Variants in SHANK2 observed in about 807,000 individuals in gnomAD.
SHANK2 encodes the protein SH3 and multiple ankyrin repeat domains protein 2.
Under a neutral mutation model 133.7 loss-of-function variants are expected in SHANK2, and 43 were observed. The ratio of observed to expected loss-of-function variants is 0.32; its 90% CI spans 0.25 to 0.41. The LOEUF is 0.41. SHANK2 is among the 10% of genes least tolerant of loss of function. The pLI is 1.00. For missense variants in SHANK2, 1,994 were observed against 2,235.8 expected, an observed-to-expected ratio of 0.89 and a Z score of 2.18; for synonymous variants, 1,017 against 952.8, an observed-to-expected ratio of 1.07 and a Z score of -1.24.
intron 10 of SHANK2, among the ~76,000 whole-genome samples, chr11:70,905,776 T>C (rs1249963307): frequency 1.3e-5 from 2 of 152,048 alleles, no homozygotes; most frequent in African/African-American, 4.8e-5. Context: ...TCCATGCCTA[T>C]TGTTTATAAG....
intron 1 of SHANK2, among the ~76,000 whole-genome samples, chr11:71,246,156 T>C (rs954957519): frequency 6.6e-6 from 1 of 151,656 alleles, no homozygotes; most frequent in Admixed American, 6.6e-5. Flanking sequence ...ATTTCCCACC[T>C]CCCAGGAGCC....
At chr11:70,615,254 T>A (rs184895589) in intron 17 of SHANK2, among the ~76,000 whole-genome samples, 31 of 152,236 alleles carry the variant, frequency 2.0e-4, no homozygotes, top group Non-Finnish European at 3.1e-4. Flanking sequence ...CCGCTCCTCC[T>A]GGTGGACTCT....
chr11:70,687,052 G>C (rs1376465746), intron 15 of SHANK2, among the ~76,000 whole-genome samples: 1 of 152,240 alleles, frequency 6.6e-6, no homozygotes, highest in Non-Finnish European at 1.5e-5. Flanking sequence ...GCCTGTCTCA[G>C]GGTTTGCAGT....
chr11:70,846,449 T>G (rs1205887464), intron 11 of SHANK2, among the ~76,000 whole-genome samples: 1 of 152,004 alleles, frequency 6.6e-6, no homozygotes, highest in Admixed American at 6.6e-5. Flanking sequence ...TTTTCATTTT[T>G]TGTAGAGATG....
chr11:70,938,227 C>G (rs879992006), intron 10 of SHANK2, among the ~76,000 whole-genome samples: 3 of 152,126 alleles, frequency 2.0e-5, no homozygotes, highest in Non-Finnish European at 4.4e-5. Flanking sequence ...ACCAGCATCA[C>G]TGTATGTGTG....
chr11:71,148,982 C>CGCTGGCCAT (rs56749011), intron 2 of SHANK2, among the ~76,000 whole-genome samples: 91 of 151,824 alleles, frequency 6.0e-4, no homozygotes, highest in African/African-American at 2.0e-3. Flanking sequence ...GGGTGGGCCG[C>CGCTGGCCAT]GCTGCTTGGA....
At chr11:70,519,375 G>A (rs577713477) in intron 17 of SHANK2, among the ~76,000 whole-genome samples, 14 of 152,244 alleles carry the variant, frequency 9.2e-5, no homozygotes, top group South Asian at 2.1e-4. Flanking sequence ...CATTATGGGC[G>A]GGGCATGGTG....
At chr11:70,474,645 T>C (rs1317186786) in intron 25 of SHANK2, 2 of 152,340 alleles carry the variant, frequency 1.3e-5, no homozygotes, top group Non-Finnish European at 2.9e-5. Flanking sequence ...TTCATCCTAT[T>C]GTCCCTAGGA....
chr11:71,174,297 C>T (rs1203980269), intron 2 of SHANK2, among the ~76,000 whole-genome samples: 1 of 152,124 alleles, frequency 6.6e-6, no homozygotes, highest in East Asian at 1.9e-4. Context: ...CCCAGTACTT[C>T]GAGAGGCTGA....
intron 2 of SHANK2, among the ~76,000 whole-genome samples, chr11:71,209,220 G>A (rs1444683421): frequency 3.3e-5 from 5 of 152,202 alleles, no homozygotes; most frequent in African/African-American, 1.2e-4. Context: ...CAGGATAAAT[G>A]TCGCTCTGGG....
At chr11:70,601,292 T>G (rs978685758) in intron 17 of SHANK2, among the ~76,000 whole-genome samples, 5 of 151,888 alleles carry the variant, frequency 3.3e-5, no homozygotes, top group Non-Finnish European at 4.4e-5. Context: ...CGATCTCGGC[T>G]CACTGCAACC....
chr11:70,468,943 A>G lies in SHANK2; in HGVS notation c.*3926T>C, dbSNP rs543114591. On this transcript the variant is annotated 3_prime_UTR_variant, in exon 26 of 26. Coordinates refer to ENST00000601538, the MANE Select transcript of SHANK2 (RefSeq NM_012309.5). ...CTTAGTTCTTTGCCAATAGACACAA[A>G]TTCTCTCTTGCTCCAAGCCTTAGCA... 6.6e-6 allele frequency: 1 copy of G among 152,354 alleles called. No homozygotes were observed. The highest frequency in any genetic ancestry group is 1.5e-5 in the Non-Finnish European group (1 of 68,038). 9.4% of individuals were successfully genotyped at this position (152,354 alleles called of 1,614,324 possible). A position where few individuals can be genotyped will look rare whatever the true frequency, so the allele number is the denominator to read the frequency against.
intron 10 of SHANK2, chr11:70,948,443 A>T (rs1950786575): frequency 2.2e-6 from 1 of 450,950 alleles, no homozygotes; most frequent in Non-Finnish European, 4.5e-6. Flanking sequence ...TTCATCATAG[A>T]TATGCACCGA....
chr11:70,863,172 C>G (rs1478433978), intron 11 of SHANK2: 1 of 365,680 alleles, frequency 2.7e-6, no homozygotes, highest in Admixed American at 3.6e-5. Flanking sequence ...GTAGGCCAGA[C>G]AGCAGGTGAG....
chr11:70,671,353 C>T (rs1944803613), intron 15 of SHANK2, among the ~76,000 whole-genome samples: 1 of 152,120 alleles, frequency 6.6e-6, no homozygotes, highest in Non-Finnish European at 1.5e-5. Context: ...TTCCCCAAAC[C>T]AGCGCCACGC....
At chr11:70,556,872 G>C (rs1174120295) in intron 17 of SHANK2, among the ~76,000 whole-genome samples, 2 of 151,924 alleles carry the variant, frequency 1.3e-5, no homozygotes, top group African/African-American at 4.8e-5. Flanking sequence ...ATCGCTCCTG[G>C]CCTCATTTTT....
chr11:70,729,980 T>C (rs189911659), intron 14 of SHANK2, among the ~76,000 whole-genome samples: 1,929 of 150,752 alleles, frequency 0.013, 20 homozygotes, highest in Non-Finnish European at 0.017. Context: ...TAGGGGTTCA[T>C]GATGTGGGGC....
rs11828789 is a variant in SHANK2 at position 70,882,043 on chromosome 11, C to A, written c.1174+14458G>T. Among the ~76,000 whole-genome samples, 7,661 of 152,156 alleles carry A rather than the reference C, an allele frequency of 0.05. 629 individuals carry two copies. The highest frequency in any genetic ancestry group is 0.18 in the African/African-American group (7,315 of 41,470). ...CTTAAATTCACTTGCAGGAAGGGAA[C>A]CCTTGCTAGAGAGGCGGAAAACATC... On this transcript the variant is annotated intron_variant, in intron 11 of 25. Coordinates refer to ENST00000601538, the MANE Select transcript of SHANK2 (RefSeq NM_012309.5). The surrounding 1 kb of genome is among the most constrained non-coding windows in gnomAD (Gnocchi z 4.2).
intron 17 of SHANK2, among the ~76,000 whole-genome samples, chr11:70,639,062 G>T (rs1555005367): frequency 6.6e-6 from 1 of 152,144 alleles, no homozygotes; most frequent in East Asian, 1.9e-4. Flanking sequence ...ACACTGCCCT[G>T]AGTCTCACAG....
Sources: allele counts gnomAD v4.1 joint callset (sites outside exome capture counted in the v4.1 genomes callset), GRCh38; gene constraint gnomAD v4.1.1; non-coding constraint Gnocchi (gnomAD v3.1); transcripts MANE v1.5; gene names NCBI Gene and HGNC (gene_info 2026-07-23, HGNC 2026-07-21).